FAM135B: variants seen among roughly 807,000 people sequenced by gnomAD.
FAM135B encodes the protein protein FAM135B.
In FAM135B, 43 loss-of-function variants were observed where a neutral mutation model predicts 127.7. The observed-to-expected ratio is 0.34, with a 90% confidence interval of 0.26 to 0.43. The LOEUF is 0.43. Among genes scored for constraint, FAM135B ranks in the 20% least tolerant of loss-of-function variants. FAM135B has a pLI of 1.00. For synonymous variants in FAM135B, 670 were observed against 665.1 expected, an observed-to-expected ratio of 1.01 and a Z score of -0.11; for missense variants, 1,558 against 1,725.6, an observed-to-expected ratio of 0.90 and a Z score of 1.72.
At chr8:138,317,075 G>GA (rs2130925380) in intron 2 of FAM135B, among the ~76,000 whole-genome samples, 1 of 151,048 alleles carries the variant, frequency 6.6e-6, no homozygotes, top group African/African-American at 2.4e-5. Flanking sequence ...ACTTATGCAA[G>GA]AACTTGTTCA....
At chr8:138,355,654 C>T (rs946690761) in intron 2 of FAM135B, among the ~76,000 whole-genome samples, 6 of 152,070 alleles carry the variant, frequency 3.9e-5, no homozygotes, top group African/African-American at 1.4e-4. Flanking sequence ...ATTATCTTCT[C>T]GTTATTCAAG....
At chr8:138,193,083 C>A (rs1189962922) in intron 9 of FAM135B, among the ~76,000 whole-genome samples, 8 of 152,180 alleles carry the variant, frequency 5.3e-5, no homozygotes, top group Non-Finnish European at 1.2e-4. Context: ...CCACCCACCA[C>A]CACGTGACGT....
intron 1 of FAM135B, among the ~76,000 whole-genome samples, chr8:138,381,570 G>C (rs1587298632): frequency 6.6e-6 from 1 of 152,198 alleles, no homozygotes; most frequent in African/African-American, 2.4e-5. Context: ...ACATGGCAGA[G>C]AATAGGTATG....
rs537894478 is a variant in FAM135B, at chr8:138,240,403, G to A, written c.669+2539C>T. Among the ~76,000 whole-genome samples, 4 of 152,294 alleles carry A rather than the reference G, an allele frequency of 2.6e-5. No individual in the cohort carries two copies. The South Asian group carries it at 8.3e-4, about 32-fold the overall frequency. ...AACGTTCTGAGCTGGGCACACACAC[G>A]TCAGCAGAGATGCCCCTCACTCCAC... On this transcript the variant is annotated intron_variant, in intron 7 of 19. Coordinates refer to ENST00000395297, the MANE Select transcript of FAM135B (RefSeq NM_015912.4).
chr8:138,373,668 G>C (rs1476836109), intron 1 of FAM135B, among the ~76,000 whole-genome samples: 1 of 152,002 alleles, frequency 6.6e-6, no homozygotes, highest in Non-Finnish European at 1.5e-5. Flanking sequence ...AAATATTGCT[G>C]AATTCTTTTT....
chr8:138,381,661 A>G (rs1831864907), intron 1 of FAM135B, among the ~76,000 whole-genome samples: 1 of 152,250 alleles, frequency 6.6e-6, no homozygotes, highest in Non-Finnish European at 1.5e-5. Context: ...GAATGACTGA[A>G]TAAACCCATT....
At chr8:138,274,813 A>G (rs58363524) in intron 3 of FAM135B, among the ~76,000 whole-genome samples, 3,776 of 151,980 alleles carry the variant, frequency 0.025, 108 homozygotes, top group East Asian at 0.081. Context: ...GATCTGTTCC[A>G]CCCGGCTCAC....
Position 138,168,014 on chromosome 8 carries a change from C to T in FAM135B, c.1139G>A (p.Arg380Gln), listed in dbSNP as rs746930192. 19 of 1,613,584 alleles carry T rather than the reference C, an allele frequency of 1.2e-5. No individual in the cohort carries two copies. Among genetic ancestry groups the T allele is most frequent in the Middle Eastern group, 1.6e-4 (1 of 6,084 alleles). Residue 380 changes from arginine to glutamine, a missense_variant, in exon 12 of 20, where the codon CGG becomes CAG. Around this residue, in one of 5 missense-constraint regions of FAM135B, gnomAD observed 115 missense variants for 171.1 expected, o/e 0.67. Transcript: ENST00000395297. Reference sequence around the variant, plus strand: ...CATGCTAGTGAGGTACTCCGAGTTCCGGATATCCAGGGACAGCTGGCTGTG... The same window carrying T: ...CATGCTAGTGAGGTACTCCGAGTTCTGGATATCCAGGGACAGCTGGCTGTG... The part of the protein sequence containing the change: ...QTHSQLSLDI[R>Q]NSEYLTSMPP...
intron 2 of FAM135B, among the ~76,000 whole-genome samples, chr8:138,364,568 C>T (rs916139818): frequency 3.9e-5 from 6 of 152,078 alleles, no homozygotes; most frequent in Admixed American, 2.0e-4. Flanking sequence ...TCCTTAAAAC[C>T]GTGAAATGCT....
At chr8:138,424,264 T>C (rs558732246) in intron 1 of FAM135B, among the ~76,000 whole-genome samples, 5 of 152,334 alleles carry the variant, frequency 3.3e-5, no homozygotes, top group Admixed American at 1.3e-4. Flanking sequence ...TCACAATTTA[T>C]GTTCAGAGAT....
chr8:138,479,225 C>T (rs1814661988), intron 1 of FAM135B, among the ~76,000 whole-genome samples: 2 of 152,180 alleles, frequency 1.3e-5, no homozygotes, highest in Admixed American at 1.3e-4. Flanking sequence ...CCCTCTGAAC[C>T]CTGTCCATGT....
At chr8:138,442,009 G>A (rs1282231361) in intron 1 of FAM135B, among the ~76,000 whole-genome samples, 1 of 151,816 alleles carries the variant, frequency 6.6e-6, no homozygotes, top group African/African-American at 2.4e-5. Context: ...ATTGGTGTTA[G>A]TTGAATATTT....
intron 1 of FAM135B, among the ~76,000 whole-genome samples, chr8:138,427,331 C>G (rs1355590061): frequency 2.7e-5 from 4 of 150,460 alleles, no homozygotes; most frequent in African/African-American, 9.7e-5. Flanking sequence ...ATGCATTCTA[C>G]AAATGTATAT....
intron 1 of FAM135B, among the ~76,000 whole-genome samples, chr8:138,488,331 C>T (rs554437605): frequency 0.01 from 3 of 300 alleles, no homozygotes; most frequent in South Asian, 0.17. Context: ...GTCCTTGCAC[C>T]GGGGAGGTCA....
intron 2 of FAM135B, among the ~76,000 whole-genome samples, chr8:138,320,189 T>C (rs969076467): frequency 2.0e-5 from 3 of 152,368 alleles, no homozygotes; most frequent in East Asian, 1.9e-4. Context: ...TATGGCAATA[T>C]ATTATAGCAG....
At chr8:138,420,266 T>C (rs1365924385) in intron 1 of FAM135B, among the ~76,000 whole-genome samples, 2 of 151,898 alleles carry the variant, frequency 1.3e-5, no homozygotes, top group Admixed American at 6.6e-5. Context: ...TTGATAAAAT[T>C]CCTGGAAACA....
Position 138,146,517 on chromosome 8 carries a change from G to C in FAM135B, c.3449-467C>G, listed in dbSNP as rs550161053. Among the ~76,000 whole-genome samples, 367 of 152,158 alleles carry C rather than the reference G, an allele frequency of 2.4e-3. 4 individuals carry two copies. The highest frequency in any genetic ancestry group is 8.4e-3 in the African/African-American group (347 of 41,530). ...TGCAAGCCTCCCTACCTCCCAACTG[G>C]CCAATCATGGCACAGTTATCTAAAT... On this transcript the variant is annotated intron_variant, in intron 14 of 19. Transcript: ENST00000395297.
intron 12 of FAM135B, 76 bp downstream of exon 12, chr8:138,167,819 T>C: frequency 1.4e-6 from 2 of 1,480,108 alleles, no homozygotes; most frequent in Non-Finnish European, 1.8e-6. Context: ...TGCTGGAATA[T>C]AAACAAACTG....
At chr8:138,332,911 A>C (rs1244691157) in intron 2 of FAM135B, among the ~76,000 whole-genome samples, 1 of 151,952 alleles carries the variant, frequency 6.6e-6, no homozygotes, top group African/African-American at 2.4e-5. Flanking sequence ...TTGTGCTGAG[A>C]GAGTGCTGAC....
Sources: allele counts gnomAD v4.1 joint callset (sites outside exome capture counted in the v4.1 genomes callset), GRCh38; gene constraint gnomAD v4.1.1; regional missense constraint gnomAD v4.1.1; transcripts MANE v1.5; gene names NCBI Gene and HGNC (gene_info 2026-07-23, HGNC 2026-07-21).